SLC35F4: variants seen among roughly 807,000 people sequenced by gnomAD.
SLC35F4 encodes chromosome 14 open reading frame 36.
A neutral mutation model predicts 44.2 loss-of-function variants in SLC35F4; 24 were observed. The observed-to-expected ratio is 0.54, with a 90% CI of 0.39 to 0.76. SLC35F4 has a LOEUF of 0.76. Ranked by LOEUF, SLC35F4 falls within the 30% of genes least tolerant of loss-of-function variation. The pLI, the probability that SLC35F4 is intolerant of heterozygous loss-of-function variation, is 0.00. For missense variants in SLC35F4, 562 were observed against 586.1 expected (o/e 0.96, Z 0.42); for synonymous variants, 238 against 223.6 (o/e 1.06, Z -0.57).
At chr14:57,677,233 T>A (rs2074723850) in intron 1 of SLC35F4, among the ~76,000 whole-genome samples, 1 of 151,854 alleles carries the variant, frequency 6.6e-6, no homozygotes. Context: ...ATAAGAATGA[T>A]ATAATGGCCT....
At chr14:57,972,755 G>A (rs1489987213), downstream of SLC35F4, among the ~76,000 whole-genome samples, 2 of 152,150 alleles carry the variant, frequency 1.3e-5, no homozygotes, top group African/African-American at 4.8e-5. Context: ...GCAGGAGAGT[G>A]AGAGCATAGT....
intron 1 of SLC35F4, among the ~76,000 whole-genome samples, chr14:57,953,194 C>T (rs1378158136): frequency 2.0e-5 from 3 of 152,076 alleles, no homozygotes; most frequent in Non-Finnish European, 4.4e-5. Context: ...GCTTCATAAG[C>T]GAAGGAAAAC....
intron 1 of SLC35F4, among the ~76,000 whole-genome samples, chr14:57,925,543 G>GAGGA (rs1314451051): frequency 6.8e-5 from 3 of 44,090 alleles, no homozygotes; most frequent in East Asian, 1.1e-3. Flanking sequence ...GGGAGGGAGG[G>GAGGA]AGGAAGGAAG....
chr14:57,632,389 A>G (rs2072824038), intron 1 of SLC35F4, among the ~76,000 whole-genome samples: 1 of 152,140 alleles, frequency 6.6e-6, no homozygotes, highest in East Asian at 1.9e-4. Flanking sequence ...GAAAAAAAAG[A>G]GTAGATGAGG....
intron 1 of SLC35F4, among the ~76,000 whole-genome samples, chr14:57,908,068 T>C (rs1889140103): frequency 6.6e-6 from 1 of 152,150 alleles, no homozygotes; most frequent in Non-Finnish European, 1.5e-5. Flanking sequence ...CCATGTTAGT[T>C]TGCTGAGGAT....
intron 1 of SLC35F4, among the ~76,000 whole-genome samples, chr14:57,800,983 G>C (rs1006930295): frequency 1.3e-5 from 2 of 152,116 alleles, no homozygotes; most frequent in African/African-American, 2.4e-5. Flanking sequence ...AACCTAGCAA[G>C]ACAGGCCAAC....
At chr14:57,885,187 T>A (rs1052920370) in intron 1 of SLC35F4, among the ~76,000 whole-genome samples, 1 of 152,180 alleles carries the variant, frequency 6.6e-6, no homozygotes, top group Admixed American at 6.6e-5. Context: ...AAATGCATAC[T>A]CTGGACCTAG....
chr14:57,718,353 AT>A (rs1253594435), intron 1 of SLC35F4, among the ~76,000 whole-genome samples: 1 of 150,130 alleles, frequency 6.7e-6, no homozygotes, highest in African/African-American at 2.4e-5. Flanking sequence ...TCTTTTGAGT[AT>A]TTACCCAGCA....
intron 1 of SLC35F4, among the ~76,000 whole-genome samples, chr14:57,732,320 C>T (rs900901971): frequency 6.6e-6 from 1 of 151,832 alleles, no homozygotes; most frequent in Non-Finnish European, 1.5e-5. Context: ...TTGAATAAAC[C>T]CTTTGAAAGA....
intron 1 of SLC35F4, among the ~76,000 whole-genome samples, chr14:57,893,537 C>T (rs1054986612): frequency 6.6e-6 from 1 of 152,156 alleles, no homozygotes; most frequent in African/African-American, 2.4e-5. Context: ...CTCATTGCCT[C>T]CCGAGAAACC....
intron 1 of SLC35F4, among the ~76,000 whole-genome samples, chr14:57,978,727 C>T (rs1262518891): frequency 6.6e-6 from 1 of 152,168 alleles, no homozygotes; most frequent in Non-Finnish European, 1.5e-5. Context: ...GAACCATTTA[C>T]AGAATTTATG....
At chr14:57,895,144 A>C (rs553079071) in intron 1 of SLC35F4, among the ~76,000 whole-genome samples, 1 of 152,206 alleles carries the variant, frequency 6.6e-6, no homozygotes, top group African/African-American at 2.4e-5. Context: ...GGCTAACAGC[A>C]CTCAGGATCT....
intron 1 of SLC35F4, among the ~76,000 whole-genome samples, chr14:57,882,440 C>T (rs1237131219): frequency 6.6e-6 from 1 of 152,132 alleles, no homozygotes; most frequent in Non-Finnish European, 1.5e-5. Context: ...TTTCACTATG[C>T]CTTGAGATGG....
At chr14:57,580,321 A>G (rs1299851541) in intron 4 of SLC35F4, 1 of 164,714 alleles carries the variant, frequency 6.1e-6, no homozygotes, top group Non-Finnish European at 1.3e-5. Context: ...ATCATTGCCA[A>G]TAAGAGCAAT....
intron 1 of SLC35F4, among the ~76,000 whole-genome samples, chr14:57,743,414 A>G (rs2076670042): frequency 6.6e-6 from 1 of 152,236 alleles, no homozygotes; most frequent in Non-Finnish European, 1.5e-5. Flanking sequence ...TCCCACAGAA[A>G]TACAAACTAC....
intron 1 of SLC35F4, among the ~76,000 whole-genome samples, chr14:57,617,569 T>G (rs953157075): frequency 5.9e-5 from 9 of 152,230 alleles, no homozygotes; most frequent in African/African-American, 2.2e-4. Context: ...AGGCACTATC[T>G]TAGGTGCTCA....
At chr14:57,673,173 T>C (rs537539722) in intron 1 of SLC35F4, among the ~76,000 whole-genome samples, 2 of 152,134 alleles carry the variant, frequency 1.3e-5, no homozygotes, top group African/African-American at 4.8e-5. Flanking sequence ...GACAAACCAA[T>C]TAAGAAGCAT....
At chr14:57,949,526 A>C (rs566175104) in intron 1 of SLC35F4, among the ~76,000 whole-genome samples, 43 of 152,216 alleles carry the variant, frequency 2.8e-4, no homozygotes, top group Middle Eastern at 6.8e-3. Context: ...GCCATTTGCA[A>C]TGTCAATATT....
At chr14:57,914,203 A>C (rs531629466) in intron 1 of SLC35F4, among the ~76,000 whole-genome samples, 24 of 152,174 alleles carry the variant, frequency 1.6e-4, no homozygotes, top group Non-Finnish European at 2.4e-4. Flanking sequence ...CCCGTGGTGA[A>C]AGGTAAGAAG....
Sources: gnomAD v4.1 joint callset for allele counts (sites outside exome capture counted in the v4.1 genomes callset) on GRCh38, gnomAD v4.1.1 for gene constraint, MANE v1.5 for transcripts, NCBI Gene and HGNC (gene_info 2026-07-23, HGNC 2026-07-21) for gene names.